EYA2: variants seen among roughly 807,000 people sequenced by gnomAD.
EYA2 encodes the protein protein phosphatase EYA2.
In EYA2, 31 loss-of-function variants were observed where a neutral mutation model predicts 69.2. The ratio of observed to expected loss-of-function variants is 0.45; its 90% CI spans 0.34 to 0.60. EYA2 has a LOEUF of 0.60. EYA2 is among the 20% of genes least tolerant of loss of function. EYA2 has a pLI of 0.02. For synonymous variants in EYA2, 257 were observed against 279.4 expected (o/e 0.92, Z 0.80); for missense variants, 622 against 701.2 (o/e 0.89, Z 1.28).
intron 9 of EYA2, among the ~76,000 whole-genome samples, chr20:47,113,378 G>T (rs933548803): frequency 1.3e-5 from 2 of 152,144 alleles, no homozygotes; most frequent in Non-Finnish European, 2.9e-5. Context: ...CAGGAGAGAG[G>T]GGCTGATCGG....
At chr20:46,959,666 G>T (rs972476364) in intron 1 of EYA2, among the ~76,000 whole-genome samples, 1 of 147,346 alleles carries the variant, frequency 6.8e-6, no homozygotes, top group African/African-American at 2.4e-5. Context: ...GCACACGCAC[G>T]CACGTACTTT....
chr20:46,962,347 C>G (rs1396666095), intron 1 of EYA2, among the ~76,000 whole-genome samples: 1 of 152,080 alleles, frequency 6.6e-6, no homozygotes, highest in Non-Finnish European at 1.5e-5. Context: ...TTGAATGTCC[C>G]CAACATAAAG....
At chr20:47,165,753 T>C (rs3091594) in intron 10 of EYA2, among the ~76,000 whole-genome samples, 95,353 of 151,908 alleles carry the variant, frequency 0.63, 31,744 homozygotes, top group African/African-American at 0.87. Flanking sequence ...TTCAAGGGGC[T>C]GGAGAGGGAC....
chr20:47,117,663 A>AAAAAG (rs2032939609), intron 9 of EYA2: 1 of 985,448 alleles, frequency 1.0e-6, no homozygotes, highest in African/African-American at 1.7e-5. Context: ...AAAGAAAAAG[A>AAAAAG]AAACCCGGTT....
At chr20:47,028,415 CCTT>C (rs1163034494) in intron 5 of EYA2, among the ~76,000 whole-genome samples, 1 of 152,218 alleles carries the variant, frequency 6.6e-6, no homozygotes, top group Non-Finnish European at 1.5e-5. Flanking sequence ...AGATGCTTCA[CCTT>C]CTTCTCTTCT....
Position 47,001,453 on chromosome 20 carries a change from A to T in EYA2, c.135A>T (p.Arg45Ser). The T allele has an allele frequency of 6.2e-7, 1 of 1,614,094 alleles. No individual in the cohort carries two copies. The highest frequency in any genetic ancestry group is 8.5e-7 in the Non-Finnish European group (1 of 1,180,004). The stretch of plus-strand genomic sequence containing the variant: ...GCATCACCAAATCGGCCCCCCTGAG[A>T]GTGTCCCAGCTCTTCTCCAGGTGAG... Reference protein sequence around the residue: ...RQGITKSAPLRVSQLFSRSCP... With the variant: ...RQGITKSAPLSVSQLFSRSCP... Residue 45 changes from arginine (R) to serine (S), a missense_variant, in exon 3 of 16, where the codon AGA (arginine) becomes AGT (serine). By Grantham distance (110) the Arg-to-Ser change is moderately radical. Coordinates refer to ENST00000327619, the MANE Select transcript of EYA2 (RefSeq NM_005244.5).
intron 1 of EYA2, among the ~76,000 whole-genome samples, chr20:46,917,431 C>T (rs1047225921): frequency 6.6e-6 from 1 of 152,222 alleles, no homozygotes; most frequent in African/African-American, 2.4e-5. Context: ...GAACGCATGA[C>T]TCTCAGGCTG....
At chr20:46,943,453 AGTT>A (rs1348683394) in intron 1 of EYA2, among the ~76,000 whole-genome samples, 4 of 152,070 alleles carry the variant, frequency 2.6e-5, no homozygotes, top group African/African-American at 9.7e-5. Context: ...TCTCTCCCAG[AGTT>A]GTTGTGAGAT....
chr20:46,945,791 A>G (rs1210024256), intron 1 of EYA2, among the ~76,000 whole-genome samples: 1 of 152,098 alleles, frequency 6.6e-6, no homozygotes, highest in East Asian at 1.9e-4. Context: ...TGATATGATG[A>G]TTTTGTGCTT....
chr20:47,166,556 A>C (rs757849580), intron 10 of EYA2, among the ~76,000 whole-genome samples: 1 of 151,982 alleles, frequency 6.6e-6, no homozygotes, highest in Non-Finnish European at 1.5e-5. Context: ...CTCAGTAGTC[A>C]AGCTCAGAGT....
chr20:47,161,614 G>T, intron 10 of EYA2: 2 of 245,472 alleles, frequency 8.1e-6, no homozygotes, highest in South Asian at 9.0e-5. Context: ...CCGCGGCTAT[G>T]ACCCCAGCCC....
chr20:47,005,214 A>G (rs1982634632), intron 4 of EYA2, 130 bp downstream of exon 4: 1 of 1,036,274 alleles, frequency 9.6e-7, no homozygotes. Flanking sequence ...AGATAAAGGG[A>G]AAAGAGTAAC....
At chr20:47,153,486 C>CAA (rs142104165) in intron 10 of EYA2, among the ~76,000 whole-genome samples, 7 of 148,700 alleles carry the variant, frequency 4.7e-5, no homozygotes, top group African/African-American at 1.7e-4. Context: ...TCAAAAAATA[C>CAA]AAAAAAAAAC....
chr20:47,111,898 G>A (rs1436343425), intron 9 of EYA2, among the ~76,000 whole-genome samples: 1 of 152,198 alleles, frequency 6.6e-6, no homozygotes, highest in East Asian at 1.9e-4. Context: ...GAGAAGCCGA[G>A]GTGGGCAGAT....
intron 12 of EYA2, among the ~76,000 whole-genome samples, chr20:47,177,510 C>T (rs1370609117): frequency 6.6e-6 from 1 of 152,196 alleles, no homozygotes; most frequent in Non-Finnish European, 1.5e-5. Context: ...AACTAAGTGT[C>T]TACCACAAAC....
intron 5 of EYA2, among the ~76,000 whole-genome samples, chr20:47,048,246 C>T (rs2030148829): frequency 6.6e-6 from 1 of 152,126 alleles, no homozygotes; most frequent in Admixed American, 6.6e-5. Context: ...ATTAAGGAGA[C>T]CTCAGGGAGG....
chr20:47,169,283 G>C lies in EYA2; in HGVS notation c.1037+86G>C, dbSNP rs2034269643. ...TCTACTAGGAAGTGGGGTGGGAGAG[G>C]AGGGCTGCTTATAAGGACAAGGAGT... On this transcript the variant is annotated intron_variant, in intron 11 of 15. Coordinates refer to ENST00000327619, the MANE Select transcript of EYA2 (RefSeq NM_005244.5). 9.7e-6 allele frequency: 13 copies of C among 1,345,386 alleles called. No homozygotes were observed. In the South Asian group the frequency reaches 1.5e-4, roughly 16 times the overall value. The allele number at this position is 1,345,386 out of a possible 1,614,324, so 83.3% of individuals were successfully genotyped here. A position where few individuals can be genotyped will look rare whatever the true frequency, so the allele number is the denominator to read the frequency against.
chr20:47,075,392 G>A (rs539334589), intron 7 of EYA2, among the ~76,000 whole-genome samples: 8 of 152,222 alleles, frequency 5.3e-5, no homozygotes, highest in South Asian at 4.2e-4. Context: ...CCTTTTTCTA[G>A]ATAAGAACAA....
At chr20:47,046,790 T>G (rs1380265018) in intron 5 of EYA2, among the ~76,000 whole-genome samples, 2 of 149,906 alleles carry the variant, frequency 1.3e-5, no homozygotes, top group Non-Finnish European at 2.9e-5. Context: ...AGTTCAAGAG[T>G]TCAGCAGCTT....
Sources: allele counts gnomAD v4.1 joint callset (sites outside exome capture counted in the v4.1 genomes callset), GRCh38; gene constraint gnomAD v4.1.1; transcripts MANE v1.5; gene names NCBI Gene and HGNC (gene_info 2026-07-23, HGNC 2026-07-21).